Variants in KYAT3 observed in about 807,000 individuals in gnomAD.
KYAT3 encodes the protein kynurenine--oxoglutarate transaminase 3.
A neutral mutation model predicts 59.0 loss-of-function variants in KYAT3; 50 were observed. The observed-to-expected ratio is 0.85, with a 90% confidence interval of 0.68 to 1.07. KYAT3 has a LOEUF of 1.07. KYAT3 is among the 50% of genes least tolerant of loss of function. KYAT3 has a pLI of 0.00. For missense variants in KYAT3, 497 were observed against 533.3 expected (o/e 0.93, Z 0.67); for synonymous variants, 148 against 177.0 (o/e 0.84, Z 1.30).
chr1:88,968,586 G>A, intron 4 of KYAT3, 84 bp downstream of exon 4: 2 of 1,109,284 alleles, frequency 1.8e-6, no homozygotes, highest in East Asian at 2.8e-5. Context: ...ATATATGAAT[G>A]ACAGAAGGGC....
At chr1:88,935,612 G>A (rs114124523), downstream of KYAT3, among the ~76,000 whole-genome samples, 1,357 of 152,246 alleles carry the variant, frequency 8.9e-3, 11 homozygotes, top group Non-Finnish European at 0.015. Context: ...TGAAGCCACC[G>A]CAAATAACAG....
intron 8 of KYAT3, among the ~76,000 whole-genome samples, chr1:88,959,562 G>A: frequency 9.9e-6 from 1 of 100,724 alleles, no homozygotes; most frequent in Non-Finnish European, 1.9e-5. Context: ...AACAGAGCAA[G>A]ACTCTGTCTC....
chr1:88,982,775 G>A, intron 2 of KYAT3: 1 of 1,613,940 alleles, frequency 6.2e-7, no homozygotes, highest in East Asian at 2.2e-5. Context: ...CCTTTCTACA[G>A]AAGGGGGAAG....
intron 4 of KYAT3, 38 bp downstream of exon 4, chr1:88,968,632 A>G (rs1445534787): frequency 4.7e-6 from 7 of 1,488,892 alleles, no homozygotes; most frequent in Non-Finnish European, 6.3e-6. Flanking sequence ...CCAGTATAAA[A>G]TAAAAGCTCA....
chr1:88,971,060 C>T (rs1676537881), intron 2 of KYAT3, among the ~76,000 whole-genome samples: 1 of 152,144 alleles, frequency 6.6e-6, no homozygotes, highest in African/African-American at 2.4e-5. Context: ...TGTACAACTA[C>T]CAAGTTCTAG....
intron 2 of KYAT3, among the ~76,000 whole-genome samples, chr1:88,976,368 A>G (rs924601330): frequency 6.6e-6 from 1 of 151,948 alleles, no homozygotes; most frequent in African/African-American, 2.4e-5. Context: ...AAAAAAAAAA[A>G]CAGTTCCTAC....
rs1676285277 is a variant in KYAT3 at position 88,964,928 on chromosome 1, A to C, written c.354T>G (p.Tyr118Ter). ...KALSYLYEKL[Y>*]QKQIDSNKEI... ...CTTTATTTGAATCAATTTGCTTTTG[A>C]TAAAGCTTTTCATACAGATAGGACA... Residue 118 changes from tyrosine (Y) to a stop codon, truncating the protein, a stop_gained, in exon 5 of 14, where the codon TAT becomes TAG. Transcript: ENST00000260508. LOFTEE classifies it high-confidence loss of function. The C allele has an allele frequency of 6.2e-7, 1 of 1,610,698 alleles. No homozygotes were observed.
intron 13 of KYAT3, among the ~76,000 whole-genome samples, chr1:88,941,742 C>T (rs114451480): frequency 0.038 from 5,805 of 152,214 alleles, 319 homozygotes; most frequent in African/African-American, 0.12. Flanking sequence ...CAGGATCTCA[C>T]TATGTTTCCC....
At chr1:88,960,721 T>C (rs1479322358) in intron 8 of KYAT3, among the ~76,000 whole-genome samples, 1 of 152,146 alleles carries the variant, frequency 6.6e-6, no homozygotes, top group South Asian at 2.1e-4. Context: ...ATTCATGAGA[T>C]AGCCCAGTAG....
intron 2 of KYAT3, among the ~76,000 whole-genome samples, chr1:88,978,676 A>ATTTTTT (rs34867665): frequency 1.4e-5 from 2 of 143,356 alleles, no homozygotes; most frequent in African/African-American, 2.6e-5. Context: ...TTTGTTCTTA[A>ATTTTTT]TTTTTTTTTT....
At chr1:88,956,271 T>C (rs1215584341) in intron 8 of KYAT3, among the ~76,000 whole-genome samples, 12 of 152,194 alleles carry the variant, frequency 7.9e-5, no homozygotes, top group Admixed American at 7.9e-4. Flanking sequence ...CGACTGGGAA[T>C]GTGTGTAGGG....
chr1:88,961,374 T>A lies in KYAT3; in HGVS notation c.666+7A>T, dbSNP rs775915550. On this transcript the variant is annotated splice_region_variant and intron_variant, in intron 7 of 13. Transcript: ENST00000260508. Reference sequence around the variant, plus strand: ...GAAGACTGTATAAGGAGATGAGACTTGCTTACCTTGCCAAGTGGGTTATGT... The same window carrying A: ...GAAGACTGTATAAGGAGATGAGACTAGCTTACCTTGCCAAGTGGGTTATGT... The A allele has an allele frequency of 6.2e-7, 1 of 1,613,856 alleles. No homozygotes were observed. The highest frequency in any genetic ancestry group is 8.5e-7 in the Non-Finnish European group (1 of 1,179,860).
chr1:88,933,938 A>G (rs1674962918), downstream of KYAT3, among the ~76,000 whole-genome samples: 1 of 152,168 alleles, frequency 6.6e-6, no homozygotes, highest in South Asian at 2.1e-4. Context: ...GGACAAGTCA[A>G]AGGATGAATG....
chr1:88,990,731 G>A (rs868782125), intron 1 of KYAT3, among the ~76,000 whole-genome samples: 5 of 152,124 alleles, frequency 3.3e-5, no homozygotes, highest in Non-Finnish European at 7.4e-5. Flanking sequence ...TGAAAAAATG[G>A]CTCTGAAGAA....
At chr1:88,934,541 G>A (rs1380326631), downstream of KYAT3, among the ~76,000 whole-genome samples, 13 of 152,310 alleles carry the variant, frequency 8.5e-5, no homozygotes, top group Non-Finnish European at 1.8e-4. Flanking sequence ...GTTCGTGTCA[G>A]TGACGTGAAT....
At chr1:88,951,485 T>C (rs1046922105) in intron 10 of KYAT3, among the ~76,000 whole-genome samples, 6 of 152,124 alleles carry the variant, frequency 3.9e-5, no homozygotes, top group Admixed American at 2.0e-4. Context: ...TCCGCTCACC[T>C]TGGCCTCCCA....
At chr1:88,976,150 A>T (rs1432630288) in intron 2 of KYAT3, among the ~76,000 whole-genome samples, 1 of 152,082 alleles carries the variant, frequency 6.6e-6, no homozygotes, top group African/African-American at 2.4e-5. Context: ...CAAGGTCAGG[A>T]GTTCGAGACC....
downstream of KYAT3, among the ~76,000 whole-genome samples, chr1:88,931,880 CAAAAAAA>C (rs57089214): frequency 6.5e-5 from 2 of 30,984 alleles, no homozygotes; most frequent in African/African-American, 1.1e-4. Context: ...CCTGCAACTG[CAAAAAAA>C]AAAAAAAAAA....
chr1:88,953,697 A>T (rs901575246), intron 9 of KYAT3, among the ~76,000 whole-genome samples: 13 of 152,120 alleles, frequency 8.5e-5, no homozygotes, highest in African/African-American at 3.1e-4. Flanking sequence ...CTGAAGGTAA[A>T]CAGCCGGCGA....
Sources: allele counts gnomAD v4.1 joint callset (sites outside exome capture counted in the v4.1 genomes callset), GRCh38; gene constraint gnomAD v4.1.1; transcripts MANE v1.5; gene names NCBI Gene and HGNC (gene_info 2026-07-23, HGNC 2026-07-21).